The following SLC24A2 variants were observed in gnomAD, a reference collection of about 807,000 sequenced individuals.
SLC24A2 encodes the protein solute carrier family 24 member 2, also known as sodium/potassium/calcium exchanger 2.
A neutral mutation model predicts 62.0 loss-of-function variants in SLC24A2; 36 were observed. The ratio of observed to expected loss-of-function variants is 0.58; its 90% CI spans 0.44 to 0.77. The LOEUF is 0.77. SLC24A2 is among the 30% of genes least tolerant of loss of function. The pLI, the probability that SLC24A2 is intolerant of heterozygous loss-of-function variation, is 0.00. For missense variants in SLC24A2, 846 were observed against 817.9 expected, an observed-to-expected ratio of 1.03 and a Z score of -0.42; for synonymous variants, 358 against 294.0, an observed-to-expected ratio of 1.22 and a Z score of -2.23.
chr9:20,224,592 C>T, the SLC24A2 span, among the ~76,000 whole-genome samples: 2 of 151,338 alleles, frequency 1.3e-5, no homozygotes, highest in Non-Finnish European at 2.9e-5. Context: ...CAAGGTAAAT[C>T]CTAGAATAGT....
chr9:20,277,643 T>A, the SLC24A2 span, among the ~76,000 whole-genome samples: 7 of 152,234 alleles, frequency 4.6e-5, no homozygotes, highest in African/African-American at 1.7e-4. Flanking sequence ...TTGGTGGGAC[T>A]GTGAACTAGT....
the SLC24A2 span, among the ~76,000 whole-genome samples, chr9:20,162,294 A>G: frequency 6.6e-6 from 1 of 151,786 alleles, no homozygotes; most frequent in East Asian, 1.9e-4. Flanking sequence ...ATATAATTCA[A>G]AAGAGAAAAC....
the SLC24A2 span, among the ~76,000 whole-genome samples, chr9:19,830,332 A>G: frequency 6.6e-6 from 1 of 152,170 alleles, no homozygotes; most frequent in African/African-American, 2.4e-5. Flanking sequence ...CAATTAATAT[A>G]TTTTTTACAT....
the SLC24A2 span, among the ~76,000 whole-genome samples, chr9:20,017,809 G>C: frequency 6.6e-6 from 1 of 152,172 alleles, no homozygotes; most frequent in Non-Finnish European, 1.5e-5. Flanking sequence ...TTCCATGACT[G>C]ATTTCATGTT....
chr9:19,514,025 A>G lies in SLC24A2; in HGVS notation c.*2128T>C, dbSNP rs1001931465. The G allele has an allele frequency of 2.0e-5, 3 of 152,150 alleles. No individual in the cohort carries two copies. The highest frequency in any genetic ancestry group is 2.0e-4 in the Admixed American group (3 of 15,268). The allele number at this position is 152,150 out of a possible 1,614,324, so 9.4% of individuals were successfully genotyped here. A position where few individuals can be genotyped will look rare whatever the true frequency, so the allele number is the denominator to read the frequency against. On this transcript the variant is annotated 3_prime_UTR_variant, in exon 11 of 11. Coordinates refer to ENST00000341998, the MANE Select transcript of SLC24A2 (RefSeq NM_020344.4). ...CATTGTCCCACATCTGAAGACCCCAATCTGCCGAGTTGGAGAGACTTGAAA... is the reference window on the plus strand; with the variant it reads ...CATTGTCCCACATCTGAAGACCCCAGTCTGCCGAGTTGGAGAGACTTGAAA...
intron 7 of SLC24A2, among the ~76,000 whole-genome samples, chr9:19,571,844 G>A (rs984347208): frequency 6.6e-6 from 1 of 152,200 alleles, no homozygotes; most frequent in African/African-American, 2.4e-5. Flanking sequence ...TTGAGCAACT[G>A]TGTTCTAGAG....
At chr9:19,698,710 G>T (rs547744387) in intron 2 of SLC24A2, among the ~76,000 whole-genome samples, 23 of 152,274 alleles carry the variant, frequency 1.5e-4, no homozygotes, top group African/African-American at 5.3e-4. Context: ...CAGTATGAAA[G>T]GTGGGAAGGG....
intron 7 of SLC24A2, among the ~76,000 whole-genome samples, chr9:19,554,815 C>T (rs1835002224): frequency 6.6e-6 from 1 of 152,140 alleles, no homozygotes; most frequent in Admixed American, 6.5e-5. Context: ...GAGTTTCTGA[C>T]ACCCATCAAG....
chr9:20,271,059 C>G, the SLC24A2 span, among the ~76,000 whole-genome samples: 1 of 152,162 alleles, frequency 6.6e-6, no homozygotes, highest in Non-Finnish European at 1.5e-5. Context: ...CAAAGCAGCA[C>G]CATCCTCTTC....
At chr9:19,869,990 T>C in the SLC24A2 span, among the ~76,000 whole-genome samples, 1 of 152,306 alleles carries the variant, frequency 6.6e-6, no homozygotes, top group Non-Finnish European at 1.5e-5. Flanking sequence ...CTACACTTCA[T>C]CCTTACTTTA....
chr9:19,574,924 T>A (rs150028385), intron 6 of SLC24A2, among the ~76,000 whole-genome samples: 2 of 152,298 alleles, frequency 1.3e-5, no homozygotes, highest in African/African-American at 2.4e-5. Context: ...CATTGTCAGA[T>A]CCGAGCAGTA....
the SLC24A2 span, among the ~76,000 whole-genome samples, chr9:20,011,242 C>G: frequency 6.6e-6 from 1 of 152,124 alleles, no homozygotes; most frequent in Non-Finnish European, 1.5e-5. Flanking sequence ...TAAAAGTGTT[C>G]CCATTTCTCC....
At chr9:19,978,758 T>C in the SLC24A2 span, among the ~76,000 whole-genome samples, 2 of 152,024 alleles carry the variant, frequency 1.3e-5, no homozygotes, top group Admixed American at 1.3e-4. Context: ...ATTGAGGTGA[T>C]TGAAGAGAAA....
intron 2 of SLC24A2, among the ~76,000 whole-genome samples, chr9:19,675,694 G>A (rs532543938): frequency 4.6e-5 from 7 of 152,196 alleles, no homozygotes; most frequent in Admixed American, 2.0e-4. Context: ...AATCAGTCTC[G>A]CTCCTACCGT....
intron 2 of SLC24A2, among the ~76,000 whole-genome samples, chr9:19,713,305 T>G (rs1278060150): frequency 6.6e-6 from 1 of 152,114 alleles, no homozygotes; most frequent in South Asian, 2.1e-4. Flanking sequence ...AATGGACACA[T>G]GTCACAAGCA....
At chr9:19,806,161 C>A in the SLC24A2 span, among the ~76,000 whole-genome samples, 1 of 151,884 alleles carries the variant, frequency 6.6e-6, no homozygotes, top group African/African-American at 2.4e-5. Context: ...CAAGTGAAAT[C>A]CTGAAATTTA....
At chr9:19,657,646 T>A (rs939865041) in intron 2 of SLC24A2, among the ~76,000 whole-genome samples, 1 of 152,162 alleles carries the variant, frequency 6.6e-6, no homozygotes, top group Non-Finnish European at 1.5e-5. Flanking sequence ...CAAATCCTGC[T>A]TTTTCAAGGC....
At chr9:19,841,246 T>A in the SLC24A2 span, among the ~76,000 whole-genome samples, 1 of 152,100 alleles carries the variant, frequency 6.6e-6, no homozygotes, top group Non-Finnish European at 1.5e-5. Context: ...AGATATAACA[T>A]TATATGTCAA....
chr9:20,011,068 A>T, the SLC24A2 span, among the ~76,000 whole-genome samples: 1 of 152,104 alleles, frequency 6.6e-6, no homozygotes, highest in Admixed American at 6.5e-5. Context: ...CACAATAAAC[A>T]TACATGTGCA....
Sources: allele counts gnomAD v4.1 joint callset (sites outside exome capture counted in the v4.1 genomes callset), GRCh38; gene constraint gnomAD v4.1.1; transcripts MANE v1.5; gene names NCBI Gene and HGNC (gene_info 2026-07-23, HGNC 2026-07-21).